The following SLIT3 variants were observed in gnomAD, a reference collection of about 807,000 sequenced individuals.
SLIT3 encodes slit guidance ligand 3.
In SLIT3, 68 loss-of-function variants were observed where a neutral mutation model predicts 184.0. That is an observed-to-expected ratio of 0.37 (90% CI 0.30 to 0.45). The LOEUF is 0.45. Among genes scored for constraint, SLIT3 ranks in the 20% least tolerant of loss-of-function variants. The pLI, the probability that SLIT3 is intolerant of heterozygous loss-of-function variation, is 1.00. For missense variants in SLIT3, 1,707 were observed against 2,026.0 expected (o/e 0.84, Z 3.02); for synonymous variants, 831 against 828.6 (o/e 1.00, Z -0.05).
At chr5:168,949,517 T>C (rs1293528294) in intron 4 of SLIT3, among the ~76,000 whole-genome samples, 1 of 152,186 alleles carries the variant, frequency 6.6e-6, no homozygotes, top group Non-Finnish European at 1.5e-5. Context: ...TGTGACTAGA[T>C]ACACAAGGCC....
chr5:168,714,439 C>T (rs372435682), intron 23 of SLIT3, among the ~76,000 whole-genome samples: 4 of 152,056 alleles, frequency 2.6e-5, no homozygotes, highest in Non-Finnish European at 4.4e-5. Flanking sequence ...AAAAATTAGC[C>T]GAGTGTGGTG....
At chr5:169,167,201 A>G (rs1467858611) in intron 4 of SLIT3, among the ~76,000 whole-genome samples, 2 of 151,510 alleles carry the variant, frequency 1.3e-5, no homozygotes, top group African/African-American at 4.9e-5. Flanking sequence ...AAACAAAACA[A>G]AAAAAACCGA....
intron 5 of SLIT3, among the ~76,000 whole-genome samples, chr5:168,882,256 A>T (rs774970226): frequency 3.3e-5 from 5 of 152,146 alleles, no homozygotes; most frequent in Non-Finnish European, 7.4e-5. Flanking sequence ...TGCTCAGCCA[A>T]ATCAGACCTT....
At position 168,762,608 on chromosome 5, in the gene SLIT3, G is replaced by C. The variant is rs771738292; in HGVS notation, c.1541C>G (p.Thr514Arg). The C allele has an allele frequency of 2.0e-5, 33 of 1,613,992 alleles. No individual in the cohort carries two copies. The highest frequency in any genetic ancestry group is 2.7e-5 in the African/African-American group (2 of 74,894). The change falls in exon 15 of 36, where the codon ACG becomes AGG. Residue 514 changes from threonine (T) to arginine (R), a missense_variant. By Grantham distance (71) the Thr-to-Arg change is moderately conservative. Transcript: ENST00000519560. The part of the protein sequence containing the change: ...VCPEKCRCEG[T>R]IVDCSNQKLV... ...CTTCTGGTTGGAGCAGTCCACAATC[G>C]TGCCCTCACAGCGACACTTCTCGGG...
chr5:168,666,467 A>G lies in SLIT3; in HGVS notation c.4559T>C (p.Leu1520Pro), dbSNP rs575279111. The G allele has an allele frequency of 6.3e-7, 1 of 1,574,978 alleles. No individual in the cohort carries two copies. The highest frequency in any genetic ancestry group is 1.7e-5 in the Admixed American group (1 of 57,802). ...GCGGGCAGGGGCTTAGGAACACGCG[A>G]GGCAGCCGCACTCTAAGTGTCTCTC... is the stretch of plus-strand genomic sequence containing the variant. ...EVERHLECGC[L>P]ACS Residue 1520 changes from leucine to proline, a missense_variant, in exon 36 of 36, where the codon CTC (leucine) becomes CCC (proline). By Grantham distance (98) the Leu-to-Pro change is moderately conservative. Transcript: ENST00000519560.
chr5:169,263,836 T>A, intron 1 of SLIT3: 1 of 331,490 alleles, frequency 3.0e-6, no homozygotes, highest in Non-Finnish European at 5.9e-6. Context: ...GCTGCCTGTT[T>A]CCTGTGTGTC....
chr5:169,124,336 A>C (rs1760999475), intron 4 of SLIT3, among the ~76,000 whole-genome samples: 1 of 152,168 alleles, frequency 6.6e-6, no homozygotes, highest in African/African-American at 2.4e-5. Context: ...ATACACATAC[A>C]CACACACATA....
At chr5:168,746,419 AGT>A (rs1456248924) in intron 20 of SLIT3, among the ~76,000 whole-genome samples, 1 of 26,226 alleles carries the variant, frequency 3.8e-5, no homozygotes, top group Admixed American at 5.3e-4. Flanking sequence ...GTAGTGTGTG[AGT>A]GTGGTGGTGT....
At chr5:168,668,284 C>T (rs975846807) in intron 35 of SLIT3, among the ~76,000 whole-genome samples, 3 of 152,086 alleles carry the variant, frequency 2.0e-5, no homozygotes, top group Non-Finnish European at 2.9e-5. Flanking sequence ...GATACATATG[C>T]GAATCATTGC....
intron 5 of SLIT3, among the ~76,000 whole-genome samples, chr5:168,862,250 T>C (rs1759138763): frequency 6.6e-6 from 1 of 152,148 alleles, no homozygotes; most frequent in Non-Finnish European, 1.5e-5. Flanking sequence ...GACTACACAC[T>C]GGGTACAGGG....
chr5:168,674,937 T>G (rs1031235328), intron 32 of SLIT3, among the ~76,000 whole-genome samples: 2 of 152,100 alleles, frequency 1.3e-5, no homozygotes, highest in African/African-American at 4.8e-5. Context: ...ATGAAGTGGG[T>G]GCCAGATATC....
rs142016009 is a variant in SLIT3, at chr5:169,088,198, T to G, written c.413+105281A>C. 3.6e-3 allele frequency among the ~76,000 whole-genome samples: 541 copies of G among 152,314 alleles called. 3 individuals carry two copies. Among genetic ancestry groups the G allele is most frequent in the African/African-American group, 0.013 (527 of 41,568 alleles). ...GAAGGGACTGAGCAACTCTATCTCC[T>G]GCAGTGTGTCGGCTGGCCGTATGGC... is the stretch of plus-strand genomic sequence containing the variant. On this transcript the variant is annotated intron_variant, in intron 4 of 35. Coordinates refer to ENST00000519560, the MANE Select transcript of SLIT3 (RefSeq NM_003062.4).
intron 32 of SLIT3, among the ~76,000 whole-genome samples, chr5:168,680,678 T>C (rs909454751): frequency 2.0e-5 from 3 of 152,166 alleles, no homozygotes; most frequent in African/African-American, 7.2e-5. Context: ...CCTCGGCTGC[T>C]GGTCAGCTCA....
chr5:168,930,616 G>C (rs1224426845), intron 4 of SLIT3, among the ~76,000 whole-genome samples: 1 of 152,028 alleles, frequency 6.6e-6, no homozygotes, highest in Non-Finnish European at 1.5e-5. Flanking sequence ...GCACATAATA[G>C]GTACTCAATG....
intron 4 of SLIT3, among the ~76,000 whole-genome samples, chr5:169,010,782 A>C (rs553975047): frequency 3.4e-4 from 52 of 152,186 alleles, no homozygotes; most frequent in Non-Finnish European, 6.3e-4. Flanking sequence ...ATATGCCTGC[A>C]GTCCCAGCTA....
chr5:169,212,761 T>TTTAAGTCTTTAATCCATCTGAATTTTTGC (rs1195717536), intron 3 of SLIT3, among the ~76,000 whole-genome samples: 2 of 152,238 alleles, frequency 1.3e-5, no homozygotes, highest in African/African-American at 4.8e-5. Flanking sequence ...AGGTCTAATG[T>TTTAAGTCTTTAATCCATCTGAATTTTTGC]TTAAGTCTTT....
At chr5:169,006,605 TCACACA>T (rs372485234) in intron 4 of SLIT3, among the ~76,000 whole-genome samples, 2,816 of 145,790 alleles carry the variant, frequency 0.019, 95 homozygotes, top group Admixed American at 0.077. Context: ...TCTCTCTCTC[TCACACA>T]CACACACACA....
intron 1 of SLIT3, among the ~76,000 whole-genome samples, chr5:169,268,315 T>G (rs777336744): frequency 1.3e-5 from 2 of 152,098 alleles, no homozygotes; most frequent in Non-Finnish European, 2.9e-5. Flanking sequence ...ATTTGCCGAG[T>G]GACACGCAGG....
chr5:169,077,111 T>C (rs183422352), intron 4 of SLIT3, among the ~76,000 whole-genome samples: 44 of 152,314 alleles, frequency 2.9e-4, no homozygotes, highest in Admixed American at 1.8e-3. Flanking sequence ...TCCTCCTCTC[T>C]AGCCTACTCC....
Sources: gnomAD v4.1 joint callset for allele counts (sites outside exome capture counted in the v4.1 genomes callset) on GRCh38, gnomAD v4.1.1 for gene constraint, MANE v1.5 for transcripts, NCBI Gene and HGNC (gene_info 2026-07-23, HGNC 2026-07-21) for gene names.